Variants in DSCAM observed in about 807,000 individuals in gnomAD.
The protein encoded by DSCAM is DS cell adhesion molecule, also known as cell adhesion molecule DSCAM.
DSCAM carries 47 observed loss-of-function variants against 217.7 expected under a neutral mutation model. The observed-to-expected ratio is 0.22, with a 90% CI of 0.17 to 0.28. DSCAM has a LOEUF of 0.28. DSCAM is among the 10% of genes least tolerant of loss of function. The probability of loss-of-function intolerance (pLI) is 1.00; values close to 1 mark genes in which losing one functional copy is unlikely to be tolerated. For synonymous variants in DSCAM, 1,056 were observed against 1,015.3 expected, an observed-to-expected ratio of 1.04 and a Z score of -0.76; for missense variants, 2,080 against 2,618.3, an observed-to-expected ratio of 0.79 and a Z score of 4.49.
intron 11 of DSCAM, among the ~76,000 whole-genome samples, chr21:40,270,554 C>A (rs1410206983): frequency 6.6e-6 from 1 of 152,164 alleles, no homozygotes; most frequent in Non-Finnish European, 1.5e-5. Flanking sequence ...TTGGGAAGGA[C>A]TTAAACTATA....
At chr21:40,077,404 G>T (rs2089381605) in intron 26 of DSCAM, among the ~76,000 whole-genome samples, 1 of 152,156 alleles carries the variant, frequency 6.6e-6, no homozygotes, top group Non-Finnish European at 1.5e-5. Flanking sequence ...GGACATTATA[G>T]GAGAAATTGG....
intron 16 of DSCAM, among the ~76,000 whole-genome samples, chr21:40,154,938 C>T (rs1012499696): frequency 3.9e-5 from 6 of 152,132 alleles, no homozygotes; most frequent in African/African-American, 1.4e-4. Context: ...TGGGCTTTGC[C>T]TTGAGACACA....
chr21:40,670,763 T>C (rs2090264185), intron 3 of DSCAM, among the ~76,000 whole-genome samples: 1 of 152,210 alleles, frequency 6.6e-6, no homozygotes. Context: ...TGTTCCTATC[T>C]TTTGGCGATT....
chr21:40,681,119 A>G (rs2090395774), intron 3 of DSCAM, among the ~76,000 whole-genome samples: 1 of 152,260 alleles, frequency 6.6e-6, no homozygotes, highest in African/African-American at 2.4e-5. Flanking sequence ...TCACTTGGGA[A>G]ACTGATGAGT....
chr21:40,239,209 C>T (rs2073116603), intron 11 of DSCAM, among the ~76,000 whole-genome samples: 1 of 152,080 alleles, frequency 6.6e-6, no homozygotes, highest in African/African-American at 2.4e-5. Context: ...AAAGATGAAT[C>T]GGGCCCTAGC....
intron 11 of DSCAM, among the ~76,000 whole-genome samples, chr21:40,236,409 C>T (rs542742683): frequency 2.8e-4 from 43 of 152,272 alleles, no homozygotes; most frequent in Non-Finnish European, 5.3e-4. Context: ...GGTGGGTCTC[C>T]GTGGATGTGG....
At chr21:40,051,754 A>G (rs2088935207) in intron 30 of DSCAM, among the ~76,000 whole-genome samples, 1 of 152,214 alleles carries the variant, frequency 6.6e-6, no homozygotes, top group South Asian at 2.1e-4. Context: ...ATAGTAACCA[A>G]TACTAACAGT....
rs143834854 is a variant in DSCAM, at chr21:40,271,029, G to A, written c.2356+5068C>T. The stretch of plus-strand genomic sequence containing the variant: ...CCTGGCAATGGCAGGGCTTGAGAGT[G>A]GCCTGAGGTCAAATCATAACATGGA... On this transcript the variant is annotated intron_variant, in intron 11 of 32. Coordinates refer to ENST00000400454, the MANE Select transcript of DSCAM (RefSeq NM_001389.5). Among the ~76,000 whole-genome samples, 482 of 152,356 alleles carry A rather than the reference G, an allele frequency of 3.2e-3. 2 individuals carry two copies. Among genetic ancestry groups the A allele is most frequent in the African/African-American group, 0.011 (475 of 41,592 alleles).
chr21:40,468,732 G>A (rs1489185003), intron 3 of DSCAM, among the ~76,000 whole-genome samples: 1 of 152,156 alleles, frequency 6.6e-6, no homozygotes, highest in African/African-American at 2.4e-5. Context: ...GGGTATTTAA[G>A]ATGGAAGTGT....
rs1479167684 is a variant in DSCAM, at chr21:40,035,606, C to T, written c.5686+6765G>A. Among the ~76,000 whole-genome samples the T allele has an allele frequency of 1.5e-3, 217 of 143,984 alleles. 2 individuals are homozygous for T. The highest frequency in any genetic ancestry group is 5.0e-3 in the African/African-American group (186 of 36,922). 94.5% of individuals were successfully genotyped at this position (143,984 alleles called of 152,430 possible). A position where few individuals can be genotyped will look rare whatever the true frequency, so the allele number is the denominator to read the frequency against. On this transcript the variant is annotated intron_variant, in intron 32 of 32. Coordinates refer to ENST00000400454, the MANE Select transcript of DSCAM (RefSeq NM_001389.5). ...CCACTGTCAACATTAGACAGATCAA[C>T]GAGACAGAAAGTCAACAAGGATACC...
intron 4 of DSCAM, among the ~76,000 whole-genome samples, chr21:40,357,348 T>A (rs2074704725): frequency 6.6e-6 from 1 of 152,192 alleles, no homozygotes; most frequent in South Asian, 2.1e-4. Context: ...ATCTCTGGCA[T>A]CTTCTAGCAT....
Position 40,354,741 on chromosome 21 carries a change from C to T in DSCAM, c.656-998G>A, listed in dbSNP as rs569485892. ...GCGGGCGCCTGTAGTCCCAGCTACT[C>T]GGGAGGCTGAGGCAGGAGAATGGCA... On this transcript the variant is annotated intron_variant, in intron 4 of 32. Transcript: ENST00000400454. 7.0e-3 allele frequency among the ~76,000 whole-genome samples: 1,043 copies of T among 149,378 alleles called. 6 individuals are homozygous for T. The highest frequency in any genetic ancestry group is 0.012 in the Non-Finnish European group (805 of 67,698).
rs188869161 is a variant in DSCAM, at chr21:40,637,274, T to C, written c.508+55536A>G. On this transcript the variant is annotated intron_variant, in intron 3 of 32. Coordinates refer to ENST00000400454, the MANE Select transcript of DSCAM (RefSeq NM_001389.5). ...ATATAAATATATATAAATATAAATA[T>C]ATATATATAAATATATATAAATATA... Among the ~76,000 whole-genome samples, 4 of 4,264 alleles carry C rather than the reference T, an allele frequency of 9.4e-4. 2 individuals carry two copies. Among genetic ancestry groups the C allele is most frequent in the Non-Finnish European group, 1.4e-3 (4 of 2,958 alleles). The allele number at this position is 4,264 out of a possible 152,430, so 2.8% of individuals were successfully genotyped here.
intron 3 of DSCAM, among the ~76,000 whole-genome samples, chr21:40,689,357 A>T (rs1041344978): frequency 6.6e-5 from 10 of 152,146 alleles, no homozygotes; most frequent in African/African-American, 1.7e-4. Flanking sequence ...TTCCCAGGGG[A>T]TCTCCCAACA....
chr21:40,511,992 A>AC (rs2076262226), intron 3 of DSCAM, among the ~76,000 whole-genome samples: 1 of 143,228 alleles, frequency 7.0e-6, no homozygotes, highest in Non-Finnish European at 1.5e-5. Context: ...CTCTGTCTCA[A>AC]AAAAAAAAAA....
At chr21:40,182,505 G>T (rs1733251929) in intron 14 of DSCAM, among the ~76,000 whole-genome samples, 1 of 151,710 alleles carries the variant, frequency 6.6e-6, no homozygotes, top group Non-Finnish European at 1.5e-5. Flanking sequence ...GGACAGGACG[G>T]AGGCACCGGA....
At position 40,144,486 on chromosome 21, in the gene DSCAM, C is replaced by G; in HGVS notation, c.3259+5G>C. ...AAGCCACGACCAGGCCCCGGCCGAA[C>G]CTACCATCCTCGAGAGTGGTGGTGA... is the stretch of plus-strand genomic sequence containing the variant. On this transcript the variant is annotated splice_donor_5th_base_variant and intron_variant, in intron 17 of 32. Transcript: ENST00000400454. The surrounding 1 kb of genome is among the most constrained non-coding windows in gnomAD (Gnocchi z 4.8). 6.2e-7 allele frequency: 1 copy of G among 1,613,560 alleles called. No individual in the cohort carries two copies. Among genetic ancestry groups the G allele is most frequent in the Non-Finnish European group, 8.5e-7 (1 of 1,179,472 alleles).
chr21:40,805,947 A>C (rs942088721), intron 1 of DSCAM, among the ~76,000 whole-genome samples: 32 of 152,128 alleles, frequency 2.1e-4, no homozygotes, highest in African/African-American at 7.7e-4. Context: ...TGACCTTGTG[A>C]TCTGCCCGCC....
intron 11 of DSCAM, among the ~76,000 whole-genome samples, chr21:40,237,812 G>C (rs1281252483): frequency 6.6e-6 from 1 of 152,066 alleles, no homozygotes; most frequent in East Asian, 1.9e-4. Flanking sequence ...GTCTCTTAAG[G>C]GCTGCCTAAA....
Sources: gnomAD v4.1 joint callset for allele counts (sites outside exome capture counted in the v4.1 genomes callset) on GRCh38, gnomAD v4.1.1 for gene constraint, Gnocchi (gnomAD v3.1) non-coding constraint, MANE v1.5 for transcripts, NCBI Gene and HGNC (gene_info 2026-07-23, HGNC 2026-07-21) for gene names.